The following SLC13A3 variants were observed in gnomAD, a reference collection of about 807,000 sequenced individuals.
SLC13A3 encodes Na(+)/dicarboxylate cotransporter 3.
A neutral mutation model predicts 59.0 loss-of-function variants in SLC13A3; 40 were observed. The ratio of observed to expected loss-of-function variants is 0.68; its 90% CI spans 0.53 to 0.88. The LOEUF is 0.88. Among genes scored for constraint, SLC13A3 ranks in the 40% least tolerant of loss-of-function variants. SLC13A3 has a pLI of 0.00. For missense variants in SLC13A3, 699 were observed against 783.2 expected (o/e 0.89, Z 1.28); for synonymous variants, 317 against 330.3 (o/e 0.96, Z 0.44).
chr20:46,643,656 T>A (rs192904967), intron 1 of SLC13A3, among the ~76,000 whole-genome samples: 2 of 152,188 alleles, frequency 1.3e-5, no homozygotes, highest in Non-Finnish European at 2.9e-5. Flanking sequence ...CTAGCTACGA[T>A]CTGAATAGAA....
At chr20:46,645,430 C>T (rs1291734610) in intron 1 of SLC13A3, among the ~76,000 whole-genome samples, 3 of 152,366 alleles carry the variant, frequency 2.0e-5, no homozygotes, top group Non-Finnish European at 1.5e-5. Context: ...CACCAAGCTT[C>T]ATGGTGGCAA....
intron 1 of SLC13A3, among the ~76,000 whole-genome samples, chr20:46,646,344 T>G (rs920577772): frequency 1.3e-5 from 2 of 152,208 alleles, no homozygotes; most frequent in East Asian, 3.8e-4. Flanking sequence ...ATGGGGATAA[T>G]TTTTGTTTGA....
At chr20:46,601,897 G>A (rs1325470959) in intron 3 of SLC13A3, among the ~76,000 whole-genome samples, 1 of 152,150 alleles carries the variant, frequency 6.6e-6, no homozygotes, top group African/African-American at 2.4e-5. Flanking sequence ...GTGGCAGGGG[G>A]TGGAGGTGGT....
intron 1 of SLC13A3, among the ~76,000 whole-genome samples, chr20:46,621,368 T>G (rs2062612541): frequency 6.6e-6 from 1 of 152,220 alleles, no homozygotes; most frequent in Admixed American, 6.5e-5. Context: ...AGAGCACCCA[T>G]TTTTCTTCAG....
chr20:46,615,491 C>T (rs1055142494), intron 1 of SLC13A3, among the ~76,000 whole-genome samples: 2 of 152,084 alleles, frequency 1.3e-5, no homozygotes, highest in Admixed American at 6.5e-5. Context: ...CAACAGACAC[C>T]GGCCACCAGG....
chr20:46,674,237 C>T (rs1600634832), upstream of SLC13A3, among the ~76,000 whole-genome samples: 1 of 152,138 alleles, frequency 6.6e-6, no homozygotes, highest in African/African-American at 2.4e-5. Context: ...GCTCCAAGAA[C>T]AATATTGGCT....
At chr20:46,621,252 G>A (rs1297597392) in intron 1 of SLC13A3, among the ~76,000 whole-genome samples, 2 of 150,200 alleles carry the variant, frequency 1.3e-5, no homozygotes, top group Non-Finnish European at 3.0e-5. Context: ...ATCAAACAAG[G>A]ACAGTTTTGT....
At chr20:46,583,746 A>G (rs1158007107) in intron 8 of SLC13A3, 77 bp from the exon 9 acceptor site, 2 of 1,579,248 alleles carry the variant, frequency 1.3e-6, no homozygotes, top group African/African-American at 2.7e-5. Flanking sequence ...GTAAAGGAGG[A>G]TTTGTGGAAG....
At chr20:46,585,545 GCACCC>G in intron 8 of SLC13A3, 1 of 1,030,928 alleles carries the variant, frequency 9.7e-7, no homozygotes, top group African/African-American at 1.7e-5. Context: ...GCAATAAAAT[GCACCC>G]ATTTTAAGGG....
chr20:46,579,190 G>A (rs2062110125), intron 9 of SLC13A3, among the ~76,000 whole-genome samples: 1 of 151,986 alleles, frequency 6.6e-6, no homozygotes, highest in East Asian at 1.9e-4. Context: ...AGGCTGGAGT[G>A]CAGTGGCAAC....
At chr20:46,624,074 C>T (rs115358320) in intron 1 of SLC13A3, among the ~76,000 whole-genome samples, 149 of 152,290 alleles carry the variant, frequency 9.8e-4, no homozygotes, top group African/African-American at 3.4e-3. Flanking sequence ...TGGCTCCTTG[C>T]CATCTCTGCC....
chr20:46,607,602 T>G (rs553865234), intron 3 of SLC13A3, among the ~76,000 whole-genome samples: 2 of 152,336 alleles, frequency 1.3e-5, no homozygotes, highest in African/African-American at 4.8e-5. Flanking sequence ...GGCTCTGGAC[T>G]TCAATGCATG....
chr20:46,585,986 A>G (rs1289490474), intron 8 of SLC13A3, among the ~76,000 whole-genome samples: 1 of 152,212 alleles, frequency 6.6e-6, no homozygotes, highest in Admixed American at 6.5e-5. Flanking sequence ...GAAATGTGGC[A>G]AGACCAAACT....
intron 1 of SLC13A3, among the ~76,000 whole-genome samples, chr20:46,631,799 G>A (rs984414105): frequency 1.6e-4 from 24 of 151,988 alleles, no homozygotes; most frequent in African/African-American, 4.6e-4. Context: ...GAGAGAGAGA[G>A]AAAAAAATGC....
rs1311006239 is a variant in SLC13A3, at chr20:46,677,534, G to A, written c.-31+6862C>T. ...CCCCCAGGTTTGGGGTGAAGTTCTG[G>A]ATTCCTGGGGCTGCCATTTACTAAG... On this transcript the variant is annotated intron_variant, in intron 1 of 6. Coordinates refer to the SLC13A3 transcript ENST00000372121. 2.6e-5 allele frequency among the ~76,000 whole-genome samples: 4 copies of A among 152,212 alleles called. No individual in the cohort carries two copies. The East Asian group carries it at 5.8e-4, about 22-fold the overall frequency.
At chr20:46,641,206 A>G (rs909232361) in intron 1 of SLC13A3, among the ~76,000 whole-genome samples, 1 of 152,180 alleles carries the variant, frequency 6.6e-6, no homozygotes, top group African/African-American at 2.4e-5. Flanking sequence ...CAAACCAGGA[A>G]GCAGTCTGGG....
intron 1 of SLC13A3, among the ~76,000 whole-genome samples, chr20:46,659,721 C>A (rs534439112): frequency 1.8e-4 from 27 of 148,292 alleles, no homozygotes; most frequent in Admixed American, 3.3e-4. Flanking sequence ...ATCCCCCCCC[C>A]CCAAAAAAAA....
chr20:46,566,825 T>C (rs1600494647), intron 10 of SLC13A3, among the ~76,000 whole-genome samples: 1 of 149,824 alleles, frequency 6.7e-6, no homozygotes, highest in East Asian at 1.9e-4. Flanking sequence ...TAATAATATA[T>C]TAATATGTAT....
chr20:46,664,375 T>C (rs2063050297), intron 1 of SLC13A3, among the ~76,000 whole-genome samples: 3 of 152,212 alleles, frequency 2.0e-5, no homozygotes. Context: ...CATTGGTCTA[T>C]GTTAGATGCC....
Sources: allele counts gnomAD v4.1 joint callset (sites outside exome capture counted in the v4.1 genomes callset), GRCh38; gene constraint gnomAD v4.1.1; transcripts MANE v1.5; gene names NCBI Gene and HGNC (gene_info 2026-07-23, HGNC 2026-07-21).